CCSER1: variants seen among roughly 807,000 people sequenced by gnomAD.
CCSER1 encodes the protein serine-rich coiled-coil domain-containing protein 1.
Under a neutral mutation model 82.0 loss-of-function variants are expected in CCSER1, and 41 were observed. The ratio of observed to expected loss-of-function variants is 0.50; its 90% CI spans 0.39 to 0.65. The LOEUF (loss-of-function observed/expected upper bound fraction) is 0.65. Ranked by LOEUF, CCSER1 falls within the 30% of genes least tolerant of loss-of-function variation. CCSER1 has a pLI of 0.00. For synonymous variants in CCSER1, 414 were observed against 383.9 expected, an observed-to-expected ratio of 1.08 and a Z score of -0.92; for missense variants, 1,119 against 1,064.2, an observed-to-expected ratio of 1.05 and a Z score of -0.72.
At position 90,844,832 on chromosome 4, in the gene CCSER1, T is replaced by C. The variant is rs552508967; in HGVS notation, c.2094+28987T>C. On this transcript the variant is annotated intron_variant, in intron 8 of 10. Coordinates refer to ENST00000509176, the MANE Select transcript of CCSER1 (RefSeq NM_001145065.2). Reference sequence around the variant, plus strand: ...TTTGCATTGCTCAACAACATATTTGTAGTTGCTAGACAAGGGGTTAGCAAA... The same window carrying C: ...TTTGCATTGCTCAACAACATATTTGCAGTTGCTAGACAAGGGGTTAGCAAA... Among the ~76,000 whole-genome samples, 126 of 152,180 alleles carry C rather than the reference T, an allele frequency of 8.3e-4. 1 individual carries two copies. The highest frequency in any genetic ancestry group is 1.4e-3 in the Non-Finnish European group (95 of 68,032).
chr4:90,612,157 A>AG (rs1785594658), intron 5 of CCSER1, among the ~76,000 whole-genome samples: 1 of 152,168 alleles, frequency 6.6e-6, no homozygotes, highest in African/African-American at 2.4e-5. Context: ...CAACAAAAAA[A>AG]TAAACTATTT....
At chr4:90,953,320 C>T (rs1285422828) in intron 9 of CCSER1, among the ~76,000 whole-genome samples, 1 of 150,592 alleles carries the variant, frequency 6.6e-6, no homozygotes, top group African/African-American at 2.4e-5. Context: ...AAGCAATTCT[C>T]ATTTAAAGTA....
chr4:90,825,480 GA>G (rs576958403), intron 8 of CCSER1, among the ~76,000 whole-genome samples: 3,029 of 151,924 alleles, frequency 0.02, 43 homozygotes, highest in Non-Finnish European at 0.03. Context: ...CAAAGACTTA[GA>G]AAAAAATATA....
rs1734726767 is a variant in CCSER1, at chr4:90,308,558, G to A, written c.274G>A (p.Gly92Ser). Reference protein sequence around the residue: ...PTNQNLSISNGAQPGHSNMQK... With the variant: ...PTNQNLSISNSAQPGHSNMQK... ...CAACCAGAACCTTAGTATTTCAAATGGTGCTCAACCTGGTCACAGCAATAT... is the reference window on the plus strand; with the variant it reads ...CAACCAGAACCTTAGTATTTCAAATAGTGCTCAACCTGGTCACAGCAATAT... The change falls in exon 2 of 11, where the codon GGT (glycine) becomes AGT (serine). Residue 92 changes from glycine to serine, a missense_variant. Gly to Ser is a moderately conservative substitution (Grantham distance 56). Transcript: ENST00000509176. 5.6e-6 allele frequency: 9 copies of A among 1,613,770 alleles called. No homozygotes were observed. Among genetic ancestry groups the A allele is most frequent in the African/African-American group, 1.3e-5 (1 of 74,920 alleles).
At chr4:90,941,365 AAT>A (rs1731561750) in intron 9 of CCSER1, among the ~76,000 whole-genome samples, 1 of 152,138 alleles carries the variant, frequency 6.6e-6, no homozygotes, top group African/African-American at 2.4e-5. Flanking sequence ...ACCCTAAAGT[AAT>A]ATGTTATTAT....
At chr4:91,302,484 G>C (rs754292963) in intron 10 of CCSER1, among the ~76,000 whole-genome samples, 9 of 151,518 alleles carry the variant, frequency 5.9e-5, no homozygotes, top group Non-Finnish European at 8.8e-5. Context: ...ATCTATTTTT[G>C]ACTCTTGGTT....
chr4:90,444,768 A>C (rs1424094463), intron 4 of CCSER1, among the ~76,000 whole-genome samples: 2 of 151,952 alleles, frequency 1.3e-5, no homozygotes, highest in African/African-American at 4.8e-5. Flanking sequence ...TTTTATGTAC[A>C]TATAGTATTT....
At chr4:90,613,542 C>G (rs1001170423) in intron 5 of CCSER1, among the ~76,000 whole-genome samples, 3 of 152,148 alleles carry the variant, frequency 2.0e-5, no homozygotes, top group Admixed American at 1.3e-4. Flanking sequence ...ACTAAAGATT[C>G]ACACTTCTGG....
At chr4:90,419,230 A>G (rs1385195551) in intron 4 of CCSER1, among the ~76,000 whole-genome samples, 1 of 151,902 alleles carries the variant, frequency 6.6e-6, no homozygotes, top group African/African-American at 2.4e-5. Context: ...TCATCAGCAG[A>G]TCCTATTACT....
intron 1 of CCSER1, among the ~76,000 whole-genome samples, chr4:90,300,857 G>A (rs1315071574): frequency 6.6e-6 from 1 of 152,064 alleles, no homozygotes; most frequent in African/African-American, 2.4e-5. Context: ...ACAGGGTCTC[G>A]CTCTGTCACC....
At chr4:90,210,765 A>G (rs1702410539) in intron 1 of CCSER1, among the ~76,000 whole-genome samples, 2 of 152,176 alleles carry the variant, frequency 1.3e-5, no homozygotes, top group African/African-American at 4.8e-5. Flanking sequence ...TATCATTTCT[A>G]ATAAAATAAA....
chr4:90,371,228 A>G (rs1034962297), intron 3 of CCSER1, among the ~76,000 whole-genome samples: 2 of 152,186 alleles, frequency 1.3e-5, no homozygotes, highest in African/African-American at 4.8e-5. Flanking sequence ...TGCTTCAAGA[A>G]ATTCAGTATC....
At chr4:90,231,331 A>C (rs1744492751) in intron 1 of CCSER1, among the ~76,000 whole-genome samples, 3 of 152,108 alleles carry the variant, frequency 2.0e-5, no homozygotes, top group Non-Finnish European at 4.4e-5. Flanking sequence ...GCAAATCAAT[A>C]AATGTAATCC....
At chr4:90,598,203 A>G (rs988300716) in intron 5 of CCSER1, among the ~76,000 whole-genome samples, 6 of 152,046 alleles carry the variant, frequency 3.9e-5, no homozygotes, top group Non-Finnish European at 5.9e-5. Flanking sequence ...TTTAATTTAC[A>G]TAGGACCTTT....
intron 7 of CCSER1, chr4:90,780,537 T>C: frequency 6.3e-7 from 1 of 1,584,662 alleles, no homozygotes; most frequent in Non-Finnish European, 8.5e-7. Context: ...TATTCAAAAG[T>C]TGAAGATGAA....
At chr4:90,753,284 T>C (rs1748990020) in intron 7 of CCSER1, among the ~76,000 whole-genome samples, 1 of 152,136 alleles carries the variant, frequency 6.6e-6, no homozygotes. Flanking sequence ...TGAAGGAGAA[T>C]GCATATCCTG....
rs576526531 is a variant in CCSER1, at chr4:90,932,960, A to G, written c.2172+9513A>G. On this transcript the variant is annotated intron_variant, in intron 9 of 10. Transcript: ENST00000509176. ...AAAGAAAGAAAGAAAGAAAGAAAGA[A>G]AGAAAGAAAGAAAGAAAGAAAGAGA... Among the ~76,000 whole-genome samples the G allele has an allele frequency of 9.9e-4, 45 of 45,610 alleles. 3 individuals are homozygous for G. The highest frequency in any genetic ancestry group is 6.8e-3 in the East Asian group (15 of 2,200). The allele number at this position is 45,610 out of a possible 152,430, so 29.9% of individuals were successfully genotyped here. A position where few individuals can be genotyped will look rare whatever the true frequency, so the allele number is the denominator to read the frequency against.
intron 9 of CCSER1, among the ~76,000 whole-genome samples, chr4:90,985,871 T>G (rs2150434256): frequency 6.6e-6 from 1 of 151,904 alleles, no homozygotes. Flanking sequence ...GAGCCATATT[T>G]TTGACAGCAA....
intron 5 of CCSER1, among the ~76,000 whole-genome samples, chr4:90,607,006 G>A (rs1784813774): frequency 6.6e-6 from 1 of 152,120 alleles, no homozygotes; most frequent in African/African-American, 2.4e-5. Flanking sequence ...TGAAATTAAG[G>A]ATTCCAGTAA....
Sources: allele counts gnomAD v4.1 joint callset (sites outside exome capture counted in the v4.1 genomes callset), GRCh38; gene constraint gnomAD v4.1.1; transcripts MANE v1.5; gene names NCBI Gene and HGNC (gene_info 2026-07-23, HGNC 2026-07-21).